The following CTNNA3 variants were observed in gnomAD, a reference collection of about 807,000 sequenced individuals.
CTNNA3 encodes catenin alpha-3.
Under a neutral mutation model 95.7 loss-of-function variants are expected in CTNNA3, and 76 were observed. The ratio of observed to expected loss-of-function variants is 0.79; its 90% confidence interval spans 0.66 to 0.96. The LOEUF (loss-of-function observed/expected upper bound fraction) is 0.96, where lower values mean the gene tolerates loss of function less well. CTNNA3 is among the 40% of genes least tolerant of loss of function. The probability of loss-of-function intolerance (pLI) is 0.00; values close to 1 mark genes in which losing one functional copy is unlikely to be tolerated. For missense variants in CTNNA3, 1,191 were observed against 1,089.8 expected (o/e 1.09, Z -1.31); for synonymous variants, 431 against 374.4 (o/e 1.15, Z -1.74).
At chr10:66,021,029 TTCTTGA>T (rs1486346043) in intron 15 of CTNNA3, among the ~76,000 whole-genome samples, 1 of 152,126 alleles carries the variant, frequency 6.6e-6, no homozygotes. Flanking sequence ...CACTGACTCT[TTCTTGA>T]TCTTTTGCTT....
chr10:66,161,605 G>A (rs990113286), intron 13 of CTNNA3, among the ~76,000 whole-genome samples: 2 of 152,124 alleles, frequency 1.3e-5, no homozygotes, highest in African/African-American at 4.8e-5. Context: ...AGGTTATCTG[G>A]TGCTTCTGTC....
At position 67,329,068 on chromosome 10, in the gene CTNNA3, G is replaced by A. The variant is rs147652694; in HGVS notation, c.580-109198C>T. Among the ~76,000 whole-genome samples the A allele has an allele frequency of 2.7e-3, 416 of 152,260 alleles. 3 individuals are homozygous for A. The highest frequency in any genetic ancestry group is 9.5e-3 in the African/African-American group (396 of 41,548). On this transcript the variant is annotated intron_variant, in intron 5 of 17. Transcript: ENST00000433211. ...ATTGATCCTACCCCACTGATCTAAT[G>A]TTTAATATAAAATGGCAAATGGGCT...
At chr10:66,368,927 T>C (rs2092732885) in intron 12 of CTNNA3, among the ~76,000 whole-genome samples, 1 of 152,144 alleles carries the variant, frequency 6.6e-6, no homozygotes, top group South Asian at 2.1e-4. Flanking sequence ...ATCTGGAATC[T>C]TAAAGAAATA....
At chr10:66,988,983 G>C (rs1297667431) in intron 7 of CTNNA3, among the ~76,000 whole-genome samples, 4 of 150,690 alleles carry the variant, frequency 2.7e-5, no homozygotes, top group African/African-American at 7.3e-5. Flanking sequence ...TTTGGTCCTC[G>C]ATGTTTCCTC....
intron 9 of CTNNA3, among the ~76,000 whole-genome samples, chr10:66,674,304 T>C (rs1846769479): frequency 4.6e-5 from 7 of 152,030 alleles, no homozygotes. Flanking sequence ...TTGTTGTTGT[T>C]CTTTTATTAT....
intron 2 of CTNNA3, 39 bp from the exon 3 acceptor site, chr10:67,607,088 T>C: frequency 1.4e-6 from 2 of 1,478,052 alleles, no homozygotes; most frequent in Non-Finnish European, 1.9e-6. Flanking sequence ...ATTGACAAAT[T>C]GTAAGGAGAA....
intron 12 of CTNNA3, among the ~76,000 whole-genome samples, chr10:66,327,129 C>T (rs544368453): frequency 1.3e-3 from 200 of 152,114 alleles, no homozygotes; most frequent in African/African-American, 4.7e-3. Context: ...AAAACAATGT[C>T]AAAATCTAAC....
intron 5 of CTNNA3, among the ~76,000 whole-genome samples, chr10:67,333,813 A>G (rs1841885863): frequency 6.6e-6 from 1 of 151,994 alleles, no homozygotes; most frequent in South Asian, 2.1e-4. Flanking sequence ...TAGATTATAC[A>G]TGGCACTTAC....
intron 12 of CTNNA3, among the ~76,000 whole-genome samples, chr10:66,323,667 A>G (rs937190845): frequency 2.0e-5 from 3 of 150,940 alleles, no homozygotes; most frequent in African/African-American, 7.3e-5. Flanking sequence ...AAAAAAAAAA[A>G]AAGAAGAAGA....
At chr10:67,283,774 C>T (rs1839489936) in intron 5 of CTNNA3, among the ~76,000 whole-genome samples, 2 of 152,086 alleles carry the variant, frequency 1.3e-5, no homozygotes, top group Non-Finnish European at 2.9e-5. Context: ...TGCCTTATGC[C>T]CCTCGGTCAA....
chr10:66,985,416 C>A (rs1850673118), intron 7 of CTNNA3, among the ~76,000 whole-genome samples: 1 of 152,088 alleles, frequency 6.6e-6, no homozygotes, highest in Admixed American at 6.6e-5. Flanking sequence ...CCAACAGGAA[C>A]CTGGCCTTAG....
intron 7 of CTNNA3, among the ~76,000 whole-genome samples, chr10:66,888,547 A>T (rs962198286): frequency 1.3e-5 from 2 of 149,190 alleles, no homozygotes; most frequent in Non-Finnish European, 1.5e-5. Context: ...GTAGTTTTTC[A>T]TTTTTTTTTT....
chr10:65,920,756 G>T, intron 17 of CTNNA3, 139 bp from the exon 18 acceptor site: 1 of 857,220 alleles, frequency 1.2e-6, no homozygotes, highest in Non-Finnish European at 1.8e-6. Context: ...AGCCCAGGAG[G>T]CAAAGGTTGC....
intron 2 of CTNNA3, among the ~76,000 whole-genome samples, chr10:67,643,957 A>G (rs1203753940): frequency 6.6e-6 from 1 of 152,090 alleles, no homozygotes; most frequent in Admixed American, 6.5e-5. Context: ...GGTTGGTTCC[A>G]AGTCTTTGCT....
chr10:66,062,990 G>A (rs2080233277), intron 15 of CTNNA3, among the ~76,000 whole-genome samples: 2 of 151,862 alleles, frequency 1.3e-5, no homozygotes, highest in African/African-American at 2.4e-5. Flanking sequence ...ATTCCTTTAG[G>A]AGGGAGACAT....
At chr10:66,467,173 G>A (rs1052504225) in intron 11 of CTNNA3, among the ~76,000 whole-genome samples, 25 of 152,112 alleles carry the variant, frequency 1.6e-4, no homozygotes, top group African/African-American at 5.8e-4. Flanking sequence ...TTAGGTCTCA[G>A]TCAAGGCAGT....
At chr10:67,434,351 T>A (rs948174502) in intron 5 of CTNNA3, among the ~76,000 whole-genome samples, 1 of 151,992 alleles carries the variant, frequency 6.6e-6, no homozygotes, top group South Asian at 2.1e-4. Context: ...CATAAGCCCC[T>A]ATCACAGTTT....
chr10:67,590,506 C>T (rs1370781921), intron 3 of CTNNA3, among the ~76,000 whole-genome samples: 1 of 152,106 alleles, frequency 6.6e-6, no homozygotes. Context: ...TACCAATTTA[C>T]ATTCCCACAA....
At chr10:66,014,107 AT>A (rs5785737) in intron 15 of CTNNA3, among the ~76,000 whole-genome samples, 41,157 of 149,048 alleles carry the variant, frequency 0.28, 5,615 homozygotes, top group Non-Finnish European at 0.31. Context: ...TATACGCATA[AT>A]TTTTTTTTTT....
Sources: gnomAD v4.1 joint callset for allele counts (sites outside exome capture counted in the v4.1 genomes callset) on GRCh38, gnomAD v4.1.1 for gene constraint, MANE v1.5 for transcripts, NCBI Gene and HGNC (gene_info 2026-07-23, HGNC 2026-07-21) for gene names.